SLC28A3: variants seen among roughly 807,000 people sequenced by gnomAD.
The protein encoded by SLC28A3 is solute carrier family 28 member 3.
Under a neutral mutation model 84.2 loss-of-function variants are expected in SLC28A3, and 68 were observed. The ratio of observed to expected loss-of-function variants is 0.81; its 90% CI spans 0.66 to 0.99. The LOEUF (loss-of-function observed/expected upper bound fraction) is 0.99. SLC28A3 is among the 50% of genes least tolerant of loss of function. SLC28A3 has a pLI of 0.00. For missense variants in SLC28A3, 712 were observed against 841.5 expected (o/e 0.85, Z 1.90); for synonymous variants, 267 against 303.6 (o/e 0.88, Z 1.25).
the SLC28A3 span, among the ~76,000 whole-genome samples, chr9:84,366,509 G>T: frequency 6.6e-6 from 1 of 152,086 alleles, no homozygotes; most frequent in Non-Finnish European, 1.5e-5. Flanking sequence ...TCACTGTCTG[G>T]GCTTGTTAGT....
At chr9:84,300,145 C>T (rs2118284870) in intron 5 of SLC28A3, among the ~76,000 whole-genome samples, 1 of 152,274 alleles carries the variant, frequency 6.6e-6, no homozygotes, top group Middle Eastern at 3.4e-3. Context: ...TACTCTGGCA[C>T]CAGTAGGTTG....
At chr9:84,287,951 G>T in intron 12 of SLC28A3, 97 bp downstream of exon 12, 1 of 1,480,274 alleles carries the variant, frequency 6.8e-7, no homozygotes. Flanking sequence ...GTAATTCACT[G>T]TGCTTTCCGG....
the SLC28A3 span, among the ~76,000 whole-genome samples, chr9:84,365,549 G>A: frequency 1.3e-5 from 2 of 152,014 alleles, no homozygotes; most frequent in African/African-American, 4.8e-5. Flanking sequence ...CTGTGCTTGT[G>A]GGGTATTTCT....
intron 1 of SLC28A3, among the ~76,000 whole-genome samples, chr9:84,315,723 A>G (rs1826147969): frequency 6.6e-6 from 1 of 152,176 alleles, no homozygotes; most frequent in Non-Finnish European, 1.5e-5. Flanking sequence ...GTTATTGTGG[A>G]TATTGACTGG....
At chr9:84,320,040 GTTTT>G (rs1182939298) in intron 1 of SLC28A3, among the ~76,000 whole-genome samples, 7 of 59,562 alleles carry the variant, frequency 1.2e-4, no homozygotes, top group African/African-American at 6.8e-4. Flanking sequence ...GGCTTGCACT[GTTTT>G]TTTTTTTTTT....
intron 1 of SLC28A3, among the ~76,000 whole-genome samples, chr9:84,320,216 AT>A (rs113128132): frequency 1.1e-4 from 16 of 147,702 alleles, no homozygotes; most frequent in African/African-American, 1.7e-4. Flanking sequence ...CACCCTGCTC[AT>A]TTTTTTTTTG....
chr9:84,362,228 T>A, the SLC28A3 span, among the ~76,000 whole-genome samples: 13 of 152,318 alleles, frequency 8.5e-5, no homozygotes, highest in African/African-American at 3.1e-4. Context: ...AAGGGGCAAG[T>A]CTGGGGGAGA....
At chr9:84,305,126 G>A (rs1198812668) in intron 4 of SLC28A3, 128 bp downstream of exon 4, 4 of 772,754 alleles carry the variant, frequency 5.2e-6, no homozygotes, top group Non-Finnish European at 6.1e-6. Context: ...TACCACCCCC[G>A]ATGATTCAGT....
Position 84,299,572 on chromosome 9 carries a change from G to T in SLC28A3, c.669+9C>A, listed in dbSNP as rs779793844. 6 of 1,613,608 alleles carry T rather than the reference G, an allele frequency of 3.7e-6. No individual in the cohort carries two copies. The highest frequency in any genetic ancestry group is 5.1e-6 in the Non-Finnish European group (6 of 1,179,846). On this transcript the variant is annotated intron_variant, in intron 6 of 17. Coordinates refer to ENST00000376238, the MANE Select transcript of SLC28A3 (RefSeq NM_001199633.2). ...AAAAAAGAACCTAAAAGATCAACTG[G>T]ATACTTACTCTGGTTGGGTACTTGG... is the stretch of plus-strand genomic sequence containing the variant.
At chr9:84,321,596 T>C (rs1229773614) in intron 1 of SLC28A3, among the ~76,000 whole-genome samples, 1 of 150,560 alleles carries the variant, frequency 6.6e-6, no homozygotes, top group African/African-American at 2.4e-5. Flanking sequence ...TAGCCAGGCG[T>C]GGTGGCAGGC....
At position 84,279,226 on chromosome 9, in the gene SLC28A3, T is replaced by C. The variant is rs1824641560; in HGVS notation, c.1949+39A>G. ...ATTTAGGTGTGATTTGATTGATTAT[T>C]AATGGAGTATAAAGAAATTATAATC... On this transcript the variant is annotated intron_variant, in intron 17 of 17. Transcript: ENST00000376238. 3 of 1,541,222 alleles carry C rather than the reference T, an allele frequency of 1.9e-6. No individual in the cohort carries two copies. In the African/African-American group the frequency reaches 4.2e-5, roughly 22 times the overall value.
rs758961868 is a variant in SLC28A3 at position 84,286,093 on chromosome 9, T to C, written c.1299A>G (p.Leu433=). Residue 433 remains leucine (L), a synonymous_variant, in exon 13 of 18, where the codon CTA becomes CTG. Transcript: ENST00000376238. ...AGGATGCTCCCTGTGTTGCAGCTTC[T>C]AGAAGATTCCCTGAATCACTTTATC... ...KMESGDSGNL[L]EAATQGASSS... The C allele has an allele frequency of 9.9e-6, 16 of 1,613,716 alleles. No individual in the cohort carries two copies. The South Asian group carries it at 1.6e-4, about 17-fold the overall frequency.
rs1824523692 is a variant in SLC28A3, at chr9:84,276,308, T to TTAAA, written c.*1906_*1909dup. On this transcript the variant is annotated 3_prime_UTR_variant, in exon 18 of 18. Coordinates refer to ENST00000376238, the MANE Select transcript of SLC28A3 (RefSeq NM_001199633.2). ...GAAATAATATCTCCAATGTATTGAG[T>TTAAA]TAAATATATTAAAATTAATTTTACT... is the stretch of plus-strand genomic sequence containing the variant. 1 of 145,742 alleles carries TTAAA rather than the reference T, an allele frequency of 6.9e-6. No individual in the cohort carries two copies. The highest frequency in any genetic ancestry group is 6.9e-5 in the Admixed American group (1 of 14,442). The allele number at this position is 145,742 out of a possible 1,614,324, so 9.0% of individuals were successfully genotyped here. A position where few individuals can be genotyped will look rare whatever the true frequency, so the allele number is the denominator to read the frequency against.
In SLC28A3 at chr9:84,278,069, T is replaced by G; in HGVS notation, c.*149A>C. 9.7e-7 allele frequency: 1 copy of G among 1,034,884 alleles called. No individual in the cohort carries two copies. The highest frequency in any genetic ancestry group is 2.6e-5 in the East Asian group (1 of 38,202). 64.1% of individuals were successfully genotyped at this position (1,034,884 alleles called of 1,614,324 possible). A position where few individuals can be genotyped will look rare whatever the true frequency, so the allele number is the denominator to read the frequency against. On this transcript the variant is annotated 3_prime_UTR_variant, in exon 18 of 18. Coordinates refer to ENST00000376238, the MANE Select transcript of SLC28A3 (RefSeq NM_001199633.2). ...GAGGAAAATGTTGTAGCTTTGAAGG[T>G]CCACTCTTGTTTTTCTTCATTCCTT...
At chr9:84,340,272 GA>G (rs1827113165) in intron 1 of SLC28A3, among the ~76,000 whole-genome samples, 1 of 152,094 alleles carries the variant, frequency 6.6e-6, no homozygotes. Context: ...CAGTTCTTTG[GA>G]AAAGTGCCTG....
At chr9:84,279,445 ATATTTATT>A in intron 16 of SLC28A3, 60 bp from the exon 17 acceptor site, 5 of 1,196,718 alleles carry the variant, frequency 4.2e-6, no homozygotes, top group Non-Finnish European at 5.4e-6. Context: ...ATGTATTTAT[ATATTTATT>A]TATTTAGAGA....
Position 84,276,344 on chromosome 9 carries a change from C to T in SLC28A3, c.*1874G>A, listed in dbSNP as rs533294782. ...AAAATTAATTTTACTTGTTTTTTAG[C>T]GTGGCTACTAGATCTTAAATTACAT... On this transcript the variant is annotated 3_prime_UTR_variant, in exon 18 of 18. Coordinates refer to ENST00000376238, the MANE Select transcript of SLC28A3 (RefSeq NM_001199633.2). 1 of 151,226 alleles carries T rather than the reference C, an allele frequency of 6.6e-6. No homozygotes were observed. Among genetic ancestry groups the T allele is most frequent in the Admixed American group, 6.6e-5 (1 of 15,146 alleles). 9.4% of individuals were successfully genotyped at this position (151,226 alleles called of 1,614,324 possible).
chr9:84,352,035 CAA>C, the SLC28A3 span, among the ~76,000 whole-genome samples: 1 of 152,032 alleles, frequency 6.6e-6, no homozygotes, highest in South Asian at 2.1e-4. Flanking sequence ...CAAAAAGTTA[CAA>C]AAAGAGATGC....
chr9:84,313,878 A>AAAG (rs1359691261), intron 1 of SLC28A3, among the ~76,000 whole-genome samples: 7 of 151,144 alleles, frequency 4.6e-5, no homozygotes, highest in African/African-American at 1.5e-4. Context: ...GAAAAAAAAA[A>AAAG]AAAAGAAAAG....
Sources: allele counts gnomAD v4.1 joint callset (sites outside exome capture counted in the v4.1 genomes callset), GRCh38; gene constraint gnomAD v4.1.1; transcripts MANE v1.5; gene names NCBI Gene and HGNC (gene_info 2026-07-23, HGNC 2026-07-21).